Variants in GABRB1 observed in about 807,000 individuals in gnomAD.
GABRB1 encodes the protein gamma-aminobutyric acid receptor subunit beta-1.
In GABRB1, 17 loss-of-function variants were observed where a neutral mutation model predicts 51.6. That is an observed-to-expected ratio of 0.33 (90% CI 0.23 to 0.49). The LOEUF is 0.49. GABRB1 is among the 20% of genes least tolerant of loss of function. GABRB1 has a pLI of 0.99. For missense variants in GABRB1, 410 were observed against 600.6 expected, an observed-to-expected ratio of 0.68 and a Z score of 3.32; for synonymous variants, 247 against 218.9, an observed-to-expected ratio of 1.13 and a Z score of -1.14.
chr4:47,241,210 C>A (rs886990142), intron 4 of GABRB1, among the ~76,000 whole-genome samples: 3 of 152,090 alleles, frequency 2.0e-5, no homozygotes, highest in Admixed American at 1.3e-4. Context: ...TAGGTGGCAA[C>A]AATAGAGCTT....
rs112133227 is a variant in GABRB1, at chr4:47,328,917, T to TAA, written c.544+8720_544+8721dup. 1.4e-4 allele frequency among the ~76,000 whole-genome samples: 19 copies of TAA among 138,606 alleles called. No homozygotes were observed. In the East Asian group the frequency reaches 1.4e-3, roughly 10 times the overall value. 90.9% of individuals were successfully genotyped at this position (138,606 alleles called of 152,430 possible). ...ACGTACCCTAAAACTTAAAGTATAATAAAAAAAAAAAAAGAAATATCTGTC... is the reference window on the plus strand; with the variant it reads ...ACGTACCCTAAAACTTAAAGTATAATAAAAAAAAAAAAAAAGAAATATCTGTC... On this transcript the variant is annotated intron_variant, in intron 5 of 8. Transcript: ENST00000295454.
chr4:47,243,214 C>G (rs1721600835), intron 4 of GABRB1, among the ~76,000 whole-genome samples: 3 of 152,284 alleles, frequency 2.0e-5, no homozygotes, highest in South Asian at 2.1e-4. Flanking sequence ...GGTATTATTT[C>G]TGAGGGCTCT....
intron 5 of GABRB1, among the ~76,000 whole-genome samples, chr4:47,345,738 T>C (rs1726065103): frequency 6.6e-6 from 1 of 152,110 alleles, no homozygotes; most frequent in Non-Finnish European, 1.5e-5. Context: ...AAGTAGAAAA[T>C]GTTACTCCGG....
intron 3 of GABRB1, among the ~76,000 whole-genome samples, chr4:47,106,432 A>G (rs1336131490): frequency 1.3e-5 from 2 of 151,810 alleles, no homozygotes; most frequent in Non-Finnish European, 2.9e-5. Flanking sequence ...TATGTTATAG[A>G]AAAAAAATCT....
At chr4:47,093,574 C>T (rs547425132) in intron 3 of GABRB1, among the ~76,000 whole-genome samples, 64 of 152,134 alleles carry the variant, frequency 4.2e-4, no homozygotes, top group Middle Eastern at 3.4e-3. Flanking sequence ...TATTTTTCTG[C>T]GTACAACAAA....
intron 4 of GABRB1, among the ~76,000 whole-genome samples, chr4:47,246,380 A>ATG (rs1721759489): frequency 1.9e-5 from 1 of 51,974 alleles, no homozygotes; most frequent in African/African-American, 1.0e-4. Context: ...ATATATATAT[A>ATG]TATATATATA....
intron 3 of GABRB1, among the ~76,000 whole-genome samples, chr4:47,139,209 G>A (rs1197859740): frequency 1.3e-5 from 2 of 151,984 alleles, no homozygotes; most frequent in Admixed American, 6.6e-5. Flanking sequence ...CAGCCTCTAA[G>A]ACTGGGATGC....
At chr4:47,276,724 C>T (rs1054064691) in intron 4 of GABRB1, among the ~76,000 whole-genome samples, 13 of 152,228 alleles carry the variant, frequency 8.5e-5, no homozygotes, top group Non-Finnish European at 1.3e-4. Flanking sequence ...AATTTCTTAA[C>T]TTTGGCACTA....
Position 47,179,508 on chromosome 4 carries a change from A to C in GABRB1, c.461+18039A>C, listed in dbSNP as rs569894544. Among the ~76,000 whole-genome samples, 14 of 152,212 alleles carry C rather than the reference A, an allele frequency of 9.2e-5. No homozygotes were observed. In the South Asian group the frequency reaches 2.9e-3, roughly 32 times the overall value. ...GTATGTTTATTGCAGCACTTTTCAC[A>C]ATAGCAAAGACTTGGAACCAACCCA... On this transcript the variant is annotated intron_variant, in intron 4 of 8. Coordinates refer to ENST00000295454, the MANE Select transcript of GABRB1 (RefSeq NM_000812.4).
chr4:47,140,840 T>C (rs1946965), intron 3 of GABRB1, among the ~76,000 whole-genome samples: 28,646 of 151,398 alleles, frequency 0.19, 2,903 homozygotes, highest in East Asian at 0.33. Context: ...TATATGAATA[T>C]AAAGGTATAT....
chr4:47,213,952 C>A (rs1327897176), intron 4 of GABRB1, among the ~76,000 whole-genome samples: 1 of 151,752 alleles, frequency 6.6e-6, no homozygotes, highest in African/African-American at 2.4e-5. Context: ...TTAAGTAAGA[C>A]TCTTAATTTT....
rs140529830 is a variant in GABRB1, at chr4:47,381,987, T to A, written c.545-21331T>A. Among the ~76,000 whole-genome samples the A allele has an allele frequency of 2.5e-3, 377 of 152,342 alleles. 4 individuals are homozygous for A. The highest frequency in any genetic ancestry group is 7.7e-3 in the African/African-American group (321 of 41,586). ...GTAGTGTGTGACCACATTTTTATTGTCTAGGCTGGGGGTAGGGATAAGGTG... is the reference window on the plus strand; with the variant it reads ...GTAGTGTGTGACCACATTTTTATTGACTAGGCTGGGGGTAGGGATAAGGTG... On this transcript the variant is annotated intron_variant, in intron 5 of 8. Coordinates refer to ENST00000295454, the MANE Select transcript of GABRB1 (RefSeq NM_000812.4).
At chr4:47,032,085 AAG>A (rs369105252) in intron 2 of GABRB1, 80 bp downstream of exon 2, 28,529 of 736,862 alleles carry the variant, frequency 0.039, 776 homozygotes, top group East Asian at 0.06. Flanking sequence ...AAAAAAAAAA[AAG>A]AAAAGGCATG....
chr4:47,042,139 G>A (rs959170708), intron 3 of GABRB1, among the ~76,000 whole-genome samples: 2 of 151,310 alleles, frequency 1.3e-5, no homozygotes, highest in African/African-American at 4.9e-5. Flanking sequence ...CATATTTTAG[G>A]GACTGAATAA....
chr4:47,390,986 G>A (rs1727971366), intron 5 of GABRB1, among the ~76,000 whole-genome samples: 1 of 152,070 alleles, frequency 6.6e-6, no homozygotes, highest in Non-Finnish European at 1.5e-5. Context: ...GACCAGCCTG[G>A]CCAACATGGT....
intron 4 of GABRB1, among the ~76,000 whole-genome samples, chr4:47,282,368 C>T (rs943903436): frequency 4.6e-5 from 7 of 152,180 alleles, no homozygotes; most frequent in Non-Finnish European, 8.8e-5. Context: ...CCCTACCAAC[C>T]TGGGTGGGCT....
chr4:47,038,733 TC>T (rs1194963120), intron 3 of GABRB1, among the ~76,000 whole-genome samples: 1 of 152,142 alleles, frequency 6.6e-6, no homozygotes. Flanking sequence ...TTCAAAACAC[TC>T]ATACACAAAT....
chr4:47,288,903 C>A (rs1723617745), intron 4 of GABRB1, among the ~76,000 whole-genome samples: 1 of 152,174 alleles, frequency 6.6e-6, no homozygotes, highest in South Asian at 2.1e-4. Flanking sequence ...AAGATTACAT[C>A]CATATCCTAT....
intron 1 of GABRB1, among the ~76,000 whole-genome samples, chr4:47,001,202 G>A (rs1207838088): frequency 1.3e-5 from 2 of 152,022 alleles, no homozygotes; most frequent in Non-Finnish European, 2.9e-5. Context: ...GAGTACAGTG[G>A]CGCGATCTGG....
Sources: gnomAD v4.1 joint callset for allele counts (sites outside exome capture counted in the v4.1 genomes callset) on GRCh38, gnomAD v4.1.1 for gene constraint, MANE v1.5 for transcripts, NCBI Gene and HGNC (gene_info 2026-07-23, HGNC 2026-07-21) for gene names.